AKAP6: variants seen among roughly 807,000 people sequenced by gnomAD.
AKAP6 encodes A-kinase anchor protein 6.
A neutral mutation model predicts 188.5 loss-of-function variants in AKAP6; 58 were observed. That is an observed-to-expected ratio of 0.31 (90% CI 0.25 to 0.38). The LOEUF is 0.38. Among genes scored for constraint, AKAP6 ranks in the 10% least tolerant of loss-of-function variants. The probability of loss-of-function intolerance (pLI) is 1.00; values close to 1 mark genes in which losing one functional copy is unlikely to be tolerated. For missense variants in AKAP6, 2,710 were observed against 2,740.0 expected (o/e 0.99, Z 0.24); for synonymous variants, 989 against 998.6 (o/e 0.99, Z 0.18).
intron 2 of AKAP6, among the ~76,000 whole-genome samples, chr14:32,504,889 G>T (rs1467595370): frequency 6.6e-6 from 1 of 152,184 alleles, no homozygotes; most frequent in Non-Finnish European, 1.5e-5. Flanking sequence ...TACACTAAAG[G>T]AGTGGCTCCA....
intron 1 of AKAP6, among the ~76,000 whole-genome samples, chr14:32,353,054 T>C (rs891820000): frequency 5.1e-5 from 3 of 58,372 alleles, no homozygotes; most frequent in Non-Finnish European, 9.6e-5. Flanking sequence ...CATACCAGCA[T>C]TTTTTTTTTG....
At chr14:32,765,708 TAA>T (rs35137560) in intron 11 of AKAP6, among the ~76,000 whole-genome samples, 15 of 142,762 alleles carry the variant, frequency 1.1e-4, no homozygotes, top group African/African-American at 2.6e-4. Context: ...AGCCATAACT[TAA>T]AAAAAAAAAA....
At chr14:32,385,871 A>G (rs997693868) in intron 1 of AKAP6, among the ~76,000 whole-genome samples, 3 of 149,332 alleles carry the variant, frequency 2.0e-5, no homozygotes, top group Non-Finnish European at 4.4e-5. Flanking sequence ...TATCTTACAC[A>G]TATATCATAT....
intron 11 of AKAP6, among the ~76,000 whole-genome samples, chr14:32,756,788 C>T (rs1032455036): frequency 6.6e-6 from 1 of 152,050 alleles, no homozygotes; most frequent in African/African-American, 2.4e-5. Flanking sequence ...ACTGTGAGTC[C>T]ATTGCAGTGT....
At chr14:32,665,767 A>G (rs1262287638) in intron 7 of AKAP6, among the ~76,000 whole-genome samples, 1 of 152,164 alleles carries the variant, frequency 6.6e-6, no homozygotes, top group Non-Finnish European at 1.5e-5. Flanking sequence ...TAACCAAGGA[A>G]TGGCTATGGG....
intron 1 of AKAP6, among the ~76,000 whole-genome samples, chr14:32,431,575 T>A (rs1890227600): frequency 6.6e-6 from 1 of 152,324 alleles, no homozygotes; most frequent in Non-Finnish European, 1.5e-5. Context: ...TGGTGCAATC[T>A]CGGCTCAGCT....
chr14:32,524,360 A>G (rs1882015734), intron 2 of AKAP6, among the ~76,000 whole-genome samples: 1 of 152,182 alleles, frequency 6.6e-6, no homozygotes, highest in Non-Finnish European at 1.5e-5. Flanking sequence ...GTAAAGTTCT[A>G]AATTTTGGCC....
chr14:32,545,971 G>A lies in AKAP6; in HGVS notation c.1318G>A (p.Val440Ile). The change falls in exon 4 of 14, where the codon GTA becomes ATA. Residue 440 changes from valine to isoleucine, a missense_variant. Physicochemically the swap from Val to Ile is conservative, Grantham distance 29. Around this residue, in one of 2 missense-constraint regions of AKAP6, gnomAD observed 2,473 missense variants for 2,426.1 expected, o/e 1.02. Coordinates refer to ENST00000280979, the MANE Select transcript of AKAP6 (RefSeq NM_004274.5). ...DPPDRSKLCLVLQSSYPNSPS... is the reference protein window; with the variant it reads ...DPPDRSKLCLILQSSYPNSPS... ...TCCTGACAGATCCAAACTTTGCCTGGTATTGCAGTCTTCTTACCCCAACAG... is the reference window on the plus strand; with the variant it reads ...TCCTGACAGATCCAAACTTTGCCTGATATTGCAGTCTTCTTACCCCAACAG... The A allele has an allele frequency of 6.2e-7, 1 of 1,614,160 alleles. No individual in the cohort carries two copies. The highest frequency in any genetic ancestry group is 8.5e-7 in the Non-Finnish European group (1 of 1,180,018).
chr14:32,478,226 A>T (rs1187202461), intron 2 of AKAP6, among the ~76,000 whole-genome samples: 1 of 152,186 alleles, frequency 6.6e-6, no homozygotes, highest in East Asian at 1.9e-4. Flanking sequence ...GTTGCCAAGA[A>T]GTCACACACA....
chr14:32,752,232 G>T (rs774825851), intron 11 of AKAP6, among the ~76,000 whole-genome samples: 3 of 152,184 alleles, frequency 2.0e-5, no homozygotes, highest in Non-Finnish European at 4.4e-5. Context: ...TGATATTGAA[G>T]CATAGGGTAA....
intron 7 of AKAP6, among the ~76,000 whole-genome samples, chr14:32,617,819 G>C (rs985295330): frequency 6.6e-6 from 1 of 152,088 alleles, no homozygotes; most frequent in Admixed American, 6.5e-5. Flanking sequence ...GTAGAGACAG[G>C]GTTTCGCCAT....
intron 1 of AKAP6, among the ~76,000 whole-genome samples, chr14:32,411,291 T>C (rs917837911): frequency 1.3e-5 from 2 of 152,170 alleles, no homozygotes; most frequent in Admixed American, 1.3e-4. Flanking sequence ...GGCTGTTTAT[T>C]GATGGAACAT....
chr14:32,626,152 A>T (rs1887013782), intron 7 of AKAP6, among the ~76,000 whole-genome samples: 1 of 152,136 alleles, frequency 6.6e-6, no homozygotes, highest in Admixed American at 6.5e-5. Flanking sequence ...ATAGGACTGC[A>T]GACTTACTTA....
intron 2 of AKAP6, among the ~76,000 whole-genome samples, chr14:32,454,202 C>T (rs1891042625): frequency 6.6e-6 from 1 of 152,208 alleles, no homozygotes; most frequent in African/African-American, 2.4e-5. Context: ...GTACCTTCCT[C>T]AGGATCTCTC....
intron 7 of AKAP6, among the ~76,000 whole-genome samples, chr14:32,656,162 T>C (rs1296075252): frequency 6.6e-6 from 1 of 152,154 alleles, no homozygotes; most frequent in African/African-American, 2.4e-5. Flanking sequence ...AATGCACTCA[T>C]GAAGCAATAT....
intron 1 of AKAP6, among the ~76,000 whole-genome samples, chr14:32,336,958 T>C (rs903893386): frequency 3.3e-5 from 5 of 152,236 alleles, no homozygotes; most frequent in Non-Finnish European, 7.3e-5. Flanking sequence ...ACACTGCAGT[T>C]TCTCTGATAT....
chr14:32,610,352 A>G (rs1296402148), intron 7 of AKAP6, among the ~76,000 whole-genome samples: 1 of 152,068 alleles, frequency 6.6e-6, no homozygotes, highest in African/African-American at 2.4e-5. Flanking sequence ...TTCCAAATGT[A>G]TTTTTCCTTT....
chr14:32,581,639 G>A (rs1202076526), intron 5 of AKAP6, among the ~76,000 whole-genome samples: 2 of 152,164 alleles, frequency 1.3e-5, no homozygotes, highest in East Asian at 1.9e-4. Flanking sequence ...AAGTCTCTTT[G>A]TAGGTCACTC....
intron 7 of AKAP6, among the ~76,000 whole-genome samples, chr14:32,650,338 C>G (rs965405141): frequency 6.6e-6 from 1 of 152,144 alleles, no homozygotes; most frequent in Admixed American, 6.5e-5. Context: ...TACAGCCGGG[C>G]GCAGTGTCTC....
Sources: gnomAD v4.1 joint callset for allele counts (sites outside exome capture counted in the v4.1 genomes callset) on GRCh38, gnomAD v4.1.1 for gene constraint, gnomAD v4.1.1 regional missense constraint, MANE v1.5 for transcripts, NCBI Gene and HGNC (gene_info 2026-07-23, HGNC 2026-07-21) for gene names.